The following C20orf203 variants were observed in gnomAD, a reference collection of about 807,000 sequenced individuals.
The protein encoded by C20orf203 is uncharacterized protein C20orf203.
C20orf203 carries 16 observed loss-of-function variants against 15.9 expected under a neutral mutation model. That is an observed-to-expected ratio of 1.01 (90% confidence interval 0.68 to 1.53). The LOEUF (loss-of-function observed/expected upper bound fraction) is 1.53, where lower values mean the gene tolerates loss of function less well. Among genes scored for constraint, C20orf203 ranks in the 40% most tolerant of loss-of-function variants. The probability of loss-of-function intolerance (pLI) is 0.00; values close to 1 mark genes in which losing one functional copy is unlikely to be tolerated. For synonymous variants in C20orf203, 98 were observed against 97.2 expected (o/e 1.01, Z -0.05); for missense variants, 263 against 247.5 (o/e 1.06, Z -0.42).
At chr20:32,673,350 C>G (rs1983220915) in intron 1 of C20orf203, among the ~76,000 whole-genome samples, 1 of 152,194 alleles carries the variant, frequency 6.6e-6, no homozygotes, top group South Asian at 2.1e-4. Flanking sequence ...CGTAGCCAAC[C>G]ACAGAGAGAG....
intron 1 of C20orf203, among the ~76,000 whole-genome samples, chr20:32,665,102 TTG>T (rs1323117214): frequency 6.6e-6 from 1 of 152,184 alleles, no homozygotes; most frequent in East Asian, 1.9e-4. Flanking sequence ...GGGGGAGACT[TTG>T]TGCCCTGGTT....
intron 1 of C20orf203, among the ~76,000 whole-genome samples, chr20:32,660,868 CA>C (rs1402495900): frequency 4.6e-4 from 62 of 134,090 alleles, no homozygotes; most frequent in Admixed American, 4.4e-3. Flanking sequence ...AAGTGCCAAG[CA>C]AAGCGGGGAA....
At chr20:32,639,393 A>G (rs1387927830) in intron 5 of C20orf203, among the ~76,000 whole-genome samples, 2 of 152,202 alleles carry the variant, frequency 1.3e-5, no homozygotes, top group Non-Finnish European at 2.9e-5. Context: ...GCTTCCAACC[A>G]GGCCAACCTG....
chr20:32,651,163 C>A lies in C20orf203; in HGVS notation c.-11G>T. 3 of 420,754 alleles carry A rather than the reference C, an allele frequency of 7.1e-6. No individual in the cohort carries two copies. The highest frequency in any genetic ancestry group is 7.9e-6 in the Non-Finnish European group (2 of 253,832). The allele number at this position is 420,754 out of a possible 1,614,324, so 26.1% of individuals were successfully genotyped here. ...AGGCCTAGGAAACATAGGAGACCCT[C>A]TCTCTAAAAAAAAAAAAAAAAAAAA... On this transcript the variant is annotated 5_prime_UTR_variant, in exon 3 of 6. Coordinates refer to ENST00000608990, the MANE Select transcript of C20orf203 (RefSeq NM_182584.4).
At position 32,640,698 on chromosome 20, in the gene C20orf203, A is replaced by T. The variant is rs1190782128; in HGVS notation, c.*1178-11T>A. 1 of 152,184 alleles carries T rather than the reference A, an allele frequency of 6.6e-6. No individual in the cohort carries two copies. Among genetic ancestry groups the T allele is most frequent in the Non-Finnish European group, 1.5e-5 (1 of 68,058 alleles). The allele number at this position is 152,184 out of a possible 1,614,324, so 9.4% of individuals were successfully genotyped here. ...CAAAAGAGCGAGACTCTGTCTCAAA[A>T]CAAAAAACAAACAAACAAAAAAAAC... is the stretch of plus-strand genomic sequence containing the variant. On this transcript the variant is annotated splice_polypyrimidine_tract_variant and intron_variant, in intron 4 of 5. Coordinates refer to ENST00000608990, the MANE Select transcript of C20orf203 (RefSeq NM_182584.4).
At chr20:32,670,283 T>TCC (rs1983133372) in intron 1 of C20orf203, among the ~76,000 whole-genome samples, 1 of 151,732 alleles carries the variant, frequency 6.6e-6, no homozygotes, top group African/African-American at 2.4e-5. Context: ...GGCGGGCGGA[T>TCC]CACCTGAGGT....
chr20:32,670,684 T>G (rs1852587398), intron 1 of C20orf203, among the ~76,000 whole-genome samples: 1 of 151,552 alleles, frequency 6.6e-6, no homozygotes, highest in South Asian at 2.1e-4. Flanking sequence ...ATATGAAAAT[T>G]AGCTGAGTGT....
intron 4 of C20orf203, among the ~76,000 whole-genome samples, chr20:32,648,527 G>C (rs571503931): frequency 7.4e-6 from 1 of 135,472 alleles, no homozygotes; most frequent in Admixed American, 8.8e-5. Flanking sequence ...TGCAAGCTCC[G>C]CCTCCCAGGT....
At chr20:32,635,392 G>A (rs555025522) in intron 5 of C20orf203, among the ~76,000 whole-genome samples, 116 of 151,518 alleles carry the variant, frequency 7.7e-4, no homozygotes, top group African/African-American at 2.8e-3. Flanking sequence ...CCAGCTACTC[G>A]GGAGGCTGAG....
At chr20:32,673,280 G>A (rs1398809285) in intron 1 of C20orf203, among the ~76,000 whole-genome samples, 1 of 152,162 alleles carries the variant, frequency 6.6e-6, no homozygotes, top group Non-Finnish European at 1.5e-5. Flanking sequence ...GCTGCCATGG[G>A]GGACAGTCCA....
In C20orf203 at chr20:32,633,371, T is replaced by C. The variant is rs1292798356; in HGVS notation, c.*2199A>G. Reference sequence around the variant, plus strand: ...ATACTCTAGGAGGACAATGATCATATAGTAAGTGTCTCCTCTGTGCCTGCC... The same window carrying C: ...ATACTCTAGGAGGACAATGATCATACAGTAAGTGTCTCCTCTGTGCCTGCC... On this transcript the variant is annotated 3_prime_UTR_variant, in exon 6 of 6. Transcript: ENST00000608990. The C allele has an allele frequency of 2.6e-5, 4 of 152,110 alleles. No individual in the cohort carries two copies. The highest frequency in any genetic ancestry group is 9.7e-5 in the African/African-American group (4 of 41,404). 9.4% of individuals were successfully genotyped at this position (152,110 alleles called of 1,614,324 possible).
chr20:32,638,234 A>G (rs112661057), intron 5 of C20orf203, among the ~76,000 whole-genome samples: 33 of 152,322 alleles, frequency 2.2e-4, no homozygotes, highest in Middle Eastern at 3.4e-3. Flanking sequence ...TATATTGAAC[A>G]CTTGCTATGT....
intron 5 of C20orf203, among the ~76,000 whole-genome samples, chr20:32,636,087 G>A (rs577703098): frequency 1.5e-4 from 23 of 152,190 alleles, no homozygotes; most frequent in African/African-American, 5.1e-4. Context: ...CATGCACACC[G>A]AGCACCCTTG....
Position 32,649,692 on chromosome 20 carries a change from T to C in C20orf203, c.*740A>G, listed in dbSNP as rs1268243840. 6.6e-6 allele frequency: 1 copy of C among 152,400 alleles called. No homozygotes were observed. Among genetic ancestry groups the C allele is most frequent in the African/African-American group, 2.4e-5 (1 of 41,478 alleles). 9.4% of individuals were successfully genotyped at this position (152,400 alleles called of 1,614,324 possible). On this transcript the variant is annotated 3_prime_UTR_variant, in exon 4 of 6. Coordinates refer to ENST00000608990, the MANE Select transcript of C20orf203 (RefSeq NM_182584.4). ...CTTGGGATGGAGCCTGAGCCTCTGC[T>C]TCTTGCTTCTGCCCACAGTGACTAG... is the stretch of plus-strand genomic sequence containing the variant.
At chr20:32,658,184 A>C (rs982806134) in intron 1 of C20orf203, among the ~76,000 whole-genome samples, 4 of 152,150 alleles carry the variant, frequency 2.6e-5, no homozygotes, top group African/African-American at 9.7e-5. Flanking sequence ...CAAAAATACA[A>C]AAATTAGCTG....
intron 4 of C20orf203, among the ~76,000 whole-genome samples, chr20:32,648,928 CG>C (rs1568748837): frequency 6.6e-6 from 1 of 152,104 alleles, no homozygotes; most frequent in Non-Finnish European, 1.5e-5. Flanking sequence ...ACTGATGAGC[CG>C]CAGGCTTTAC....
At chr20:32,665,654 T>C (rs1040323528) in intron 1 of C20orf203, among the ~76,000 whole-genome samples, 1 of 152,118 alleles carries the variant, frequency 6.6e-6, no homozygotes. Flanking sequence ...TTTGAATTTT[T>C]CCAGGAGCCA....
At chr20:32,637,139 A>G (rs1982158061) in intron 5 of C20orf203, among the ~76,000 whole-genome samples, 1 of 152,214 alleles carries the variant, frequency 6.6e-6, no homozygotes, top group African/African-American at 2.4e-5. Flanking sequence ...GCTGGGTGCA[A>G]TGGCTCACGC....
rs375404198 is a variant in C20orf203, at chr20:32,672,549, G to C, written c.-264+1083C>G. 1.5e-4 allele frequency among the ~76,000 whole-genome samples: 22 copies of C among 150,598 alleles called. 1 individual carries two copies. The East Asian group carries it at 2.9e-3, about 20-fold the overall frequency. Reference sequence around the variant, plus strand: ...GATTGCATCATTACACTTCAGTCTGGGTGACAGAGCAAGACAATATCTCCA... The same window carrying C: ...GATTGCATCATTACACTTCAGTCTGCGTGACAGAGCAAGACAATATCTCCA... On this transcript the variant is annotated intron_variant, in intron 1 of 5. Coordinates refer to ENST00000608990, the MANE Select transcript of C20orf203 (RefSeq NM_182584.4).
Sources: allele counts gnomAD v4.1 joint callset (sites outside exome capture counted in the v4.1 genomes callset), GRCh38; gene constraint gnomAD v4.1.1; transcripts MANE v1.5; gene names NCBI Gene and HGNC (gene_info 2026-07-23, HGNC 2026-07-21).